IFT52: variants seen among roughly 807,000 people sequenced by gnomAD.
The protein encoded by IFT52 is intraflagellar transport 52.
IFT52 carries 44 observed loss-of-function variants against 54.4 expected under a neutral mutation model. The observed-to-expected ratio is 0.81, with a 90% CI of 0.63 to 1.04. IFT52 has a LOEUF of 1.04. IFT52 is among the 50% of genes least tolerant of loss of function. The pLI is 0.00. For missense variants in IFT52, 452 were observed against 523.6 expected (o/e 0.86, Z 1.33); for synonymous variants, 181 against 185.3 (o/e 0.98, Z 0.19).
intron 6 of IFT52, among the ~76,000 whole-genome samples, chr20:43,611,266 T>C (rs997771669): frequency 6.6e-6 from 1 of 152,150 alleles, no homozygotes; most frequent in African/African-American, 2.4e-5. Context: ...GTTTCAATCC[T>C]TAAATAAGTG....
chr20:43,626,507 A>G (rs1984733629), intron 10 of IFT52, among the ~76,000 whole-genome samples: 1 of 152,058 alleles, frequency 6.6e-6, no homozygotes, highest in African/African-American at 2.4e-5. Flanking sequence ...CGGCCTCCCA[A>G]AGTGCTGGGA....
chr20:43,613,974 A>G lies in IFT52; in HGVS notation c.610A>G (p.Lys204Glu), dbSNP rs776758734. 6.8e-6 allele frequency: 11 copies of G among 1,612,928 alleles called. No individual in the cohort carries two copies. Among genetic ancestry groups the G allele is most frequent in the African/African-American group, 1.3e-5 (1 of 74,890 alleles). The change falls in exon 7 of 14, where the codon AAG becomes GAG. Residue 204 changes from lysine (K) to glutamate (E), a missense_variant and splice_region_variant. Coordinates refer to ENST00000373030, the MANE Select transcript of IFT52 (RefSeq NM_016004.5). ...ACCCATTTTGGCTTTCTATCACTCA[A>G]AGGTACAGCTTTTCTTAGATATGGG... ...NRPILAFYHSKNQGGKLAVLG... is the reference protein window; with the variant it reads ...NRPILAFYHSENQGGKLAVLG...
At position 43,596,470 on chromosome 20, in the gene IFT52, G is replaced by A. The variant is rs779105186; in HGVS notation, c.155G>A (p.Gly52Glu). 1 of 1,607,078 alleles carries A rather than the reference G, an allele frequency of 6.2e-7. No homozygotes were observed. The highest frequency in any genetic ancestry group is 8.5e-7 in the Non-Finnish European group (1 of 1,175,406). ...GAAATCACATCTGAGAAGTTAAATG[G>A]AGTGAAACTGTGGATTACAGCTGGG... ...KDEITSEKLN[G>E]VKLWITAGPR... The change falls in exon 3 of 14, where the codon GGA becomes GAA. Residue 52 changes from glycine (G) to glutamate (E), a missense_variant. Transcript: ENST00000373030.
At chr20:43,605,765 T>G (rs1568728855) in intron 6 of IFT52, among the ~76,000 whole-genome samples, 1 of 152,228 alleles carries the variant, frequency 6.6e-6, no homozygotes. Flanking sequence ...GACAGGCATG[T>G]ATTACCTCAT....
At chr20:43,613,384 C>T (rs963432598) in intron 6 of IFT52, among the ~76,000 whole-genome samples, 1 of 152,208 alleles carries the variant, frequency 6.6e-6, no homozygotes, top group Non-Finnish European at 1.5e-5. Flanking sequence ...AATTTACTTT[C>T]ATGTTTTTTA....
intron 5 of IFT52, 75 bp downstream of exon 5, chr20:43,604,333 C>A: frequency 1.9e-6 from 2 of 1,077,944 alleles, no homozygotes; most frequent in Non-Finnish European, 2.8e-6. Context: ...CTTTGGGAAG[C>A]CAAGGTGGAT....
rs190683546 is a variant in IFT52 at position 43,618,809 on chromosome 20, A to G, written c.613-131A>G. The G allele has an allele frequency of 5.4e-4, 337 of 628,432 alleles. No homozygotes were observed. In the African/African-American group the frequency reaches 5.4e-3, roughly 10 times the overall value. 38.9% of individuals were successfully genotyped at this position (628,432 alleles called of 1,614,324 possible). A position where few individuals can be genotyped will look rare whatever the true frequency, so the allele number is the denominator to read the frequency against. ...ATAGTTGGTATTTCTAAACTTTAAA[A>G]TCTGGGTGTGAATTGGCACTCTTCA... On this transcript the variant is annotated intron_variant, in intron 7 of 13. Transcript: ENST00000373030.
intron 9 of IFT52, 146 bp downstream of exon 9, chr20:43,621,071 G>C: frequency 5.0e-6 from 3 of 595,670 alleles, no homozygotes; most frequent in Non-Finnish European, 9.1e-6. Context: ...GGAGATGAAG[G>C]CCATATTGTA....
intron 3 of IFT52, among the ~76,000 whole-genome samples, chr20:43,600,429 C>T (rs902205238): frequency 4.6e-5 from 7 of 151,862 alleles, no homozygotes; most frequent in Admixed American, 1.3e-4. Context: ...CTCAGCCTTC[C>T]GAGTAGGTGG....
chr20:43,596,764 CAG>C (rs1199603519), intron 3 of IFT52, among the ~76,000 whole-genome samples: 2 of 107,550 alleles, frequency 1.9e-5, no homozygotes, highest in Non-Finnish European at 3.5e-5. Context: ...TTTTTTGAGA[CAG>C]AGTCTCGCTC....
chr20:43,637,697 A>G (rs967886454), intron 12 of IFT52, among the ~76,000 whole-genome samples: 6 of 152,178 alleles, frequency 3.9e-5, no homozygotes, highest in African/African-American at 1.2e-4. Flanking sequence ...TAAACTTACC[A>G]TTCTTATTTA....
rs1981452410 is a variant in IFT52 at position 43,590,976 on chromosome 20, T to A, written c.-85T>A. 6.6e-6 allele frequency: 1 copy of A among 152,246 alleles called. No individual in the cohort carries two copies. The allele number at this position is 152,246 out of a possible 1,614,324, so 9.4% of individuals were successfully genotyped here. A position where few individuals can be genotyped will look rare whatever the true frequency, so the allele number is the denominator to read the frequency against. On this transcript the variant is annotated 5_prime_UTR_variant, in exon 1 of 14. Coordinates refer to ENST00000373030, the MANE Select transcript of IFT52 (RefSeq NM_016004.5). ...GCCTCCCGGCGCACCGACGCGCCTCTCCGGTTACTAAGCGGCCTTGGATAC... is the reference window on the plus strand; with the variant it reads ...GCCTCCCGGCGCACCGACGCGCCTCACCGGTTACTAAGCGGCCTTGGATAC...
chr20:43,627,113 G>A (rs1984779917), intron 10 of IFT52, among the ~76,000 whole-genome samples: 1 of 151,688 alleles, frequency 6.6e-6, no homozygotes. Context: ...GTTGCAGTGA[G>A]CCAAGAACAC....
At chr20:43,621,389 C>T (rs1039584652) in intron 9 of IFT52, among the ~76,000 whole-genome samples, 4 of 152,130 alleles carry the variant, frequency 2.6e-5, no homozygotes, top group Non-Finnish European at 4.4e-5. Flanking sequence ...GTGAAATCAC[C>T]ACCGGCTCTT....
At chr20:43,629,056 G>A (rs1295580462) in intron 10 of IFT52, among the ~76,000 whole-genome samples, 10 of 152,036 alleles carry the variant, frequency 6.6e-5, no homozygotes, top group African/African-American at 2.4e-4. Context: ...TGTAGCTGCC[G>A]GCAGAGTGGG....
At chr20:43,598,600 T>A (rs565231073) in intron 3 of IFT52, among the ~76,000 whole-genome samples, 2 of 151,744 alleles carry the variant, frequency 1.3e-5, no homozygotes, top group South Asian at 2.1e-4. Context: ...GAAGTGGAGG[T>A]GGGAGAATCG....
At chr20:43,608,430 TA>T in intron 6 of IFT52, among the ~76,000 whole-genome samples, 1 of 152,198 alleles carries the variant, frequency 6.6e-6, no homozygotes, top group Non-Finnish European at 1.5e-5. Context: ...GGATGACCTT[TA>T]AAGTCTATTG....
intron 12 of IFT52, among the ~76,000 whole-genome samples, chr20:43,640,590 C>T (rs1403418249): frequency 6.6e-6 from 1 of 152,226 alleles, no homozygotes; most frequent in Non-Finnish European, 1.5e-5. Context: ...TGAAAACTTA[C>T]ATTTACACAC....
intron 7 of IFT52, among the ~76,000 whole-genome samples, chr20:43,616,625 C>CTT (rs1983881592): frequency 6.6e-6 from 1 of 152,064 alleles, no homozygotes; most frequent in African/African-American, 2.4e-5. Context: ...CTCCAAGACT[C>CTT]TAAGACAGCC....
Sources: gnomAD v4.1 joint callset for allele counts (sites outside exome capture counted in the v4.1 genomes callset) on GRCh38, gnomAD v4.1.1 for gene constraint, MANE v1.5 for transcripts, NCBI Gene and HGNC (gene_info 2026-07-23, HGNC 2026-07-21) for gene names.